The following SHANK1 variants were observed in gnomAD, a reference collection of about 807,000 sequenced individuals.
SHANK1 encodes the protein SH3 and multiple ankyrin repeat domains 1.
In SHANK1, 35 loss-of-function variants were observed where a neutral mutation model predicts 165.6. The ratio of observed to expected loss-of-function variants is 0.21; its 90% CI spans 0.16 to 0.28. The LOEUF is 0.28. Among genes scored for constraint, SHANK1 ranks in the 10% least tolerant of loss-of-function variants. The pLI, the probability that SHANK1 is intolerant of heterozygous loss-of-function variation, is 1.00. For missense variants in SHANK1, 2,681 were observed against 3,036.4 expected, an observed-to-expected ratio of 0.88 and a Z score of 2.75; for synonymous variants, 1,428 against 1,384.8, an observed-to-expected ratio of 1.03 and a Z score of -0.69.
chr19:50,681,554 C>T (rs769551543), intron 21 of SHANK1, among the ~76,000 whole-genome samples: 1 of 152,120 alleles, frequency 6.6e-6, no homozygotes, highest in Non-Finnish European at 1.5e-5. Flanking sequence ...TGGGTTCGTG[C>T]AGGGTAGACC....
In SHANK1 at chr19:50,666,257, G is replaced by A. The variant is rs776419436; in HGVS notation, c.5703C>T (p.Gly1901=). 3.7e-6 allele frequency: 6 copies of A among 1,610,044 alleles called. No individual in the cohort carries two copies. In the Admixed American group the frequency reaches 6.7e-5, roughly 18 times the overall value. ...TGGCTCCCCCGTGGTGGCTGTCTCC[G>A]CCTCCCCCACTGCCTCCTCGGGCCC... The part of the protein sequence containing the change: ...LPWARGGSGG[G]GDSHHGGASY... Residue 1901 remains glycine, a synonymous_variant, in exon 23 of 24, where the codon GGC becomes GGT. Coordinates refer to ENST00000293441, the MANE Select transcript of SHANK1 (RefSeq NM_016148.5).
chr19:50,686,291 G>T lies in SHANK1; in HGVS notation c.2523C>A (p.Pro841=). The T allele has an allele frequency of 1.9e-6, 3 of 1,607,184 alleles. No individual in the cohort carries two copies. The highest frequency in any genetic ancestry group is 2.6e-6 in the Non-Finnish European group (3 of 1,176,360). Residue 841 remains proline, a synonymous_variant, in exon 21 of 24, where the codon CCC becomes CCA. Transcript: ENST00000293441. This position sits in a 1 kb window ranked among gnomAD's most constrained non-coding sequence, Gnocchi z 5.7. ...QTISASESPG[P]GGLASLGKHR... ...GTTTGCCCAGGGACGCGAGGCCACCGGGACCAGGGCTTTCGCTTGCACTGA... is the reference window on the plus strand; with the variant it reads ...GTTTGCCCAGGGACGCGAGGCCACCTGGACCAGGGCTTTCGCTTGCACTGA...
intron 12 of SHANK1, among the ~76,000 whole-genome samples, chr19:50,699,658 G>A (rs1986843585): frequency 6.6e-6 from 1 of 152,090 alleles, no homozygotes; most frequent in South Asian, 2.1e-4. Context: ...CTGGAGAATT[G>A]GAGGGCTCAG....
At chr19:50,684,339 C>T (rs1279497466) in intron 21 of SHANK1, among the ~76,000 whole-genome samples, 1 of 152,084 alleles carries the variant, frequency 6.6e-6, no homozygotes, top group South Asian at 2.1e-4. Context: ...GATTCTCTCG[C>T]CTCAGCCTCC....
chr19:50,696,127 TAGA>T (rs1385847501), intron 15 of SHANK1, among the ~76,000 whole-genome samples: 5 of 148,810 alleles, frequency 3.4e-5, no homozygotes, highest in Non-Finnish European at 6.0e-5. Context: ...CAAGACAGAG[TAGA>T]AGGAGGAAGC....
intron 12 of SHANK1, among the ~76,000 whole-genome samples, chr19:50,701,671 C>T (rs184157170): frequency 2.1e-4 from 32 of 152,282 alleles, no homozygotes; most frequent in Admixed American, 1.8e-3. Context: ...GATTTGAACC[C>T]AGGCTGCCAG....
chr19:50,681,840 T>G (rs73598625), intron 21 of SHANK1, among the ~76,000 whole-genome samples: 1 of 151,938 alleles, frequency 6.6e-6, no homozygotes, highest in Non-Finnish European at 1.5e-5. Flanking sequence ...GGCGCAAGCA[T>G]GGCTCACTGC....
rs1256370038 is a variant in SHANK1 at position 50,718,914 on chromosome 19, A to G, written c.-44+492T>C. 2.0e-5 allele frequency among the ~76,000 whole-genome samples: 3 copies of G among 150,946 alleles called. No individual in the cohort carries two copies. Among genetic ancestry groups the G allele is most frequent in the Non-Finnish European group, 3.0e-5 (2 of 67,718 alleles). ...CCTGGTGGGGACGCAGGGAGCTTGG[A>G]CAGGGGTGGAAAGGGACTGGAGGAG... On this transcript the variant is annotated intron_variant, in intron 1 of 23. Coordinates refer to ENST00000293441, the MANE Select transcript of SHANK1 (RefSeq NM_016148.5). The surrounding 1 kb of genome is among the most constrained non-coding windows in gnomAD (Gnocchi z 5.1).
In SHANK1 at chr19:50,660,245, A is replaced by C. The variant is rs1432445365; in HGVS notation, c.*1720T>G. Among the ~76,000 whole-genome samples the C allele has an allele frequency of 1.3e-5, 2 of 152,158 alleles. No homozygotes were observed. The highest frequency in any genetic ancestry group is 1.3e-4 in the Admixed American group (2 of 15,286). On this transcript the variant is annotated 3_prime_UTR_variant, in exon 24 of 24. Transcript: ENST00000293441. ...AAGCGGAGAGAGGAAGCGTGCGGGAAGGAACAGCCATGCTGGAGGGAGAGG... is the reference window on the plus strand; with the variant it reads ...AAGCGGAGAGAGGAAGCGTGCGGGACGGAACAGCCATGCTGGAGGGAGAGG...
chr19:50,704,461 G>A lies in SHANK1; in HGVS notation c.1131C>T (p.Asn377=), dbSNP rs1220949518. 1.2e-6 allele frequency: 2 copies of A among 1,614,106 alleles called. No individual in the cohort carries two copies. The highest frequency in any genetic ancestry group is 1.7e-5 in the Admixed American group (1 of 60,026). The change falls in exon 9 of 24, where the codon AAC becomes AAT. Residue 377 remains asparagine, a synonymous_variant. Coordinates refer to ENST00000293441, the MANE Select transcript of SHANK1 (RefSeq NM_016148.5). ...LYRGADKDVK[N]NNGQTPFQVA... ...CCTGGAAGGGGGTCTGTCCGTTGTTGTTCTTCACATCCTTGTCGGCACCTC... is the reference window on the plus strand; with the variant it reads ...CCTGGAAGGGGGTCTGTCCGTTGTTATTCTTCACATCCTTGTCGGCACCTC...
Position 50,686,648 on chromosome 19 carries a change from G to A in SHANK1, c.2458+96C>T. On this transcript the variant is annotated intron_variant, in intron 20 of 23. Coordinates refer to ENST00000293441, the MANE Select transcript of SHANK1 (RefSeq NM_016148.5). The surrounding 1 kb of genome is among the most constrained non-coding windows in gnomAD (Gnocchi z 5.7). ...GATCGCAGCCTCTCTGGGGCAGGAA[G>A]GTGAGGGGCGCCGTGGGGTTCATGG... 5 of 1,196,130 alleles carry A rather than the reference G, an allele frequency of 4.2e-6. No individual in the cohort carries two copies. The highest frequency in any genetic ancestry group is 2.0e-5 in the Admixed American group (1 of 49,992). The allele number at this position is 1,196,130 out of a possible 1,614,324, so 74.1% of individuals were successfully genotyped here. A position where few individuals can be genotyped will look rare whatever the true frequency, so the allele number is the denominator to read the frequency against.
Position 50,661,829 on chromosome 19 carries a change from C to T in SHANK1, c.*136G>A. 5.2e-6 allele frequency: 5 copies of T among 970,184 alleles called. No homozygotes were observed. The highest frequency in any genetic ancestry group is 4.9e-5 in the East Asian group (2 of 41,130). 60.1% of individuals were successfully genotyped at this position (970,184 alleles called of 1,614,324 possible). A position where few individuals can be genotyped will look rare whatever the true frequency, so the allele number is the denominator to read the frequency against. ...GATTGGGCCACCTGGTGACCTCTGG[C>T]CTTGGGAGATGAGGGCAGGGCGCAG... is the stretch of plus-strand genomic sequence containing the variant. On this transcript the variant is annotated 3_prime_UTR_variant, in exon 24 of 24. Coordinates refer to ENST00000293441, the MANE Select transcript of SHANK1 (RefSeq NM_016148.5).
At chr19:50,672,817 G>A (rs912528600) in intron 21 of SHANK1, among the ~76,000 whole-genome samples, 7 of 152,066 alleles carry the variant, frequency 4.6e-5, no homozygotes, top group Non-Finnish European at 8.8e-5. Flanking sequence ...CCACACAAGA[G>A]TCAGAGGCAT....
chr19:50,679,316 C>A (rs192237516), intron 21 of SHANK1, among the ~76,000 whole-genome samples: 8 of 151,608 alleles, frequency 5.3e-5, no homozygotes, highest in African/African-American at 1.9e-4. Flanking sequence ...GAGTGACAGA[C>A]GCCTCGTCAG....
At chr19:50,689,332 T>A (rs779977239) in intron 15 of SHANK1, 53 bp from the exon 16 acceptor site, 1 of 1,328,592 alleles carries the variant, frequency 7.5e-7, no homozygotes, top group South Asian at 1.2e-5. Flanking sequence ...GGAGAAGACA[T>A]CATGAGACAC....
At chr19:50,707,881 CTTTTCTTT>C (rs2088959267) in intron 8 of SHANK1, among the ~76,000 whole-genome samples, 3 of 2,596 alleles carry the variant, frequency 1.2e-3, no homozygotes, top group African/African-American at 8.5e-3. Context: ...GCGTGTTTTT[CTTTTCTTT>C]TCTTTTCTTT....
At chr19:50,708,678 C>T (rs2088973721) in intron 8 of SHANK1, among the ~76,000 whole-genome samples, 1 of 152,160 alleles carries the variant, frequency 6.6e-6, no homozygotes, top group African/African-American at 2.4e-5. Context: ...TTGAGTCATT[C>T]AGTCTGTTGA....
intron 8 of SHANK1, among the ~76,000 whole-genome samples, chr19:50,710,821 C>T (rs937170394): frequency 1.3e-5 from 2 of 152,262 alleles, no homozygotes; most frequent in Non-Finnish European, 2.9e-5. Flanking sequence ...GGCACCTGCA[C>T]ACACCACTGG....
rs775267902 is a variant in SHANK1, at chr19:50,666,465, G to A, written c.5495C>T (p.Ser1832Phe). Residue 1832 changes from serine to phenylalanine, a missense_variant, in exon 23 of 24, where the codon TCT becomes TTT. By Grantham distance (155) the Ser-to-Phe change is radical. Coordinates refer to ENST00000293441, the MANE Select transcript of SHANK1 (RefSeq NM_016148.5). ...VPPVPLPTAS[S>F]LPRKLLPWEE... ...CCAGGGCAGCAGCTTCCGGGGCAGA[G>A]AGGAGGCCGTCGGCAAGGGCACCGG... The A allele has an allele frequency of 6.2e-7, 1 of 1,605,284 alleles. No homozygotes were observed. The highest frequency in any genetic ancestry group is 8.5e-7 in the Non-Finnish European group (1 of 1,177,504).
Sources: gnomAD v4.1 joint callset for allele counts (sites outside exome capture counted in the v4.1 genomes callset) on GRCh38, gnomAD v4.1.1 for gene constraint, Gnocchi (gnomAD v3.1) non-coding constraint, MANE v1.5 for transcripts, NCBI Gene and HGNC (gene_info 2026-07-23, HGNC 2026-07-21) for gene names.